Variants in ANKRD31 observed in about 807,000 individuals in gnomAD.
ANKRD31 encodes ankyrin repeat domain-containing protein 31.
ANKRD31 carries 147 observed loss-of-function variants against 186.0 expected under a neutral mutation model. The observed-to-expected ratio is 0.79, with a 90% confidence interval of 0.69 to 0.91. The LOEUF is 0.91. Ranked by LOEUF, ANKRD31 falls within the 40% of genes least tolerant of loss-of-function variation. The pLI, the probability that ANKRD31 is intolerant of heterozygous loss-of-function variation, is 0.00. For missense variants in ANKRD31, 1,986 were observed against 2,148.8 expected (o/e 0.92, Z 1.50); for synonymous variants, 673 against 736.4 (o/e 0.91, Z 1.39).
chr5:75,203,997 A>C (rs2150269460), intron 5 of ANKRD31, among the ~76,000 whole-genome samples: 1 of 152,314 alleles, frequency 6.6e-6, no homozygotes, highest in South Asian at 2.1e-4. Flanking sequence ...ATATTTAAAG[A>C]GGAACATTAA....
At chr5:75,110,819 G>A (rs990915917) in intron 20 of ANKRD31, among the ~76,000 whole-genome samples, 2 of 147,354 alleles carry the variant, frequency 1.4e-5, no homozygotes, top group African/African-American at 2.5e-5. Flanking sequence ...TACTAGCAGT[G>A]TACACAAAGA....
chr5:75,200,375 A>G (rs1755745415), intron 5 of ANKRD31, among the ~76,000 whole-genome samples: 1 of 150,234 alleles, frequency 6.7e-6, no homozygotes, highest in South Asian at 2.1e-4. Context: ...CTTGGCTCAC[A>G]GCAACCTCTG....
chr5:75,236,458 G>A lies in ANKRD31; in HGVS notation c.104+125C>T. 1.2e-5 allele frequency: 9 copies of A among 752,370 alleles called. 1 individual carries two copies. The South Asian group carries it at 1.5e-4, about 13-fold the overall frequency. The allele number at this position is 752,370 out of a possible 1,614,324, so 46.6% of individuals were successfully genotyped here. On this transcript the variant is annotated intron_variant, in intron 1 of 25. Coordinates refer to ENST00000506364, the MANE Select transcript of ANKRD31 (RefSeq NM_001372053.1). Reference sequence around the variant, plus strand: ...AGCTCAGGCACGGCTGCCCCACAAGGCTCTGATCCTGCCCACAAGCACATG... The same window carrying A: ...AGCTCAGGCACGGCTGCCCCACAAGACTCTGATCCTGCCCACAAGCACATG...
intron 17 of ANKRD31, 66 bp from the exon 18 acceptor site, chr5:75,118,363 C>A: frequency 8.0e-7 from 1 of 1,247,724 alleles, no homozygotes; most frequent in East Asian, 2.9e-5. Flanking sequence ...GTTTTCATCA[C>A]AAACACCACT....
intron 12 of ANKRD31, among the ~76,000 whole-genome samples, chr5:75,153,922 A>G (rs1049277132): frequency 1.1e-4 from 16 of 152,128 alleles, no homozygotes; most frequent in Non-Finnish European, 2.2e-4. Flanking sequence ...TTATTTAGTC[A>G]AAGGATTTTG....
chr5:75,108,200 TA>T (rs774410397), intron 20 of ANKRD31, among the ~76,000 whole-genome samples: 7 of 151,932 alleles, frequency 4.6e-5, no homozygotes, highest in East Asian at 1.9e-4. Flanking sequence ...TATATGCACT[TA>T]AAAAATAGAA....
intron 5 of ANKRD31, among the ~76,000 whole-genome samples, chr5:75,205,416 C>T (rs1049452941): frequency 6.6e-6 from 1 of 152,150 alleles, no homozygotes; most frequent in African/African-American, 2.4e-5. Flanking sequence ...TTGAAAGCAT[C>T]CTTGCTTTTC....
At chr5:75,138,220 T>G (rs1750748742) in intron 16 of ANKRD31, among the ~76,000 whole-genome samples, 1 of 152,164 alleles carries the variant, frequency 6.6e-6, no homozygotes, top group Non-Finnish European at 1.5e-5. Flanking sequence ...TTGATATAAG[T>G]GCCAAAGCAA....
intron 16 of ANKRD31, among the ~76,000 whole-genome samples, chr5:75,138,498 G>A (rs1323331567): frequency 6.6e-6 from 1 of 152,058 alleles, no homozygotes; most frequent in African/African-American, 2.4e-5. Context: ...TATAAAAGGA[G>A]GAGAAAAGAG....
At chr5:75,135,739 A>C (rs1302023380) in intron 17 of ANKRD31, among the ~76,000 whole-genome samples, 2 of 152,252 alleles carry the variant, frequency 1.3e-5, no homozygotes, top group African/African-American at 4.8e-5. Flanking sequence ...ACAAAGCTGC[A>C]GGCATCACGC....
intron 25 of ANKRD31, among the ~76,000 whole-genome samples, chr5:75,074,613 G>A (rs1744484829): frequency 6.6e-6 from 1 of 151,874 alleles, no homozygotes; most frequent in Admixed American, 6.6e-5. Context: ...CCCCATTTAA[G>A]TAAATGTAAG....
chr5:75,159,630 C>A (rs1195793671), intron 11 of ANKRD31, among the ~76,000 whole-genome samples: 2 of 145,992 alleles, frequency 1.4e-5, no homozygotes, highest in Admixed American at 6.9e-5. Flanking sequence ...TTATATCTAG[C>A]AAAACTATAA....
chr5:75,194,156 A>T (rs1436165857), intron 7 of ANKRD31, among the ~76,000 whole-genome samples: 1 of 152,140 alleles, frequency 6.6e-6, no homozygotes, highest in African/African-American at 2.4e-5. Context: ...ACCTTTCTTC[A>T]GCTTACTTAC....
chr5:75,222,644 C>G (rs1218335979), intron 2 of ANKRD31, among the ~76,000 whole-genome samples: 1 of 152,110 alleles, frequency 6.6e-6, no homozygotes, highest in Non-Finnish European at 1.5e-5. Context: ...TTGTTCCTCT[C>G]TCTGTGTCCA....
intron 17 of ANKRD31, among the ~76,000 whole-genome samples, chr5:75,134,388 A>G (rs10943790): frequency 1.4e-4 from 21 of 152,098 alleles, no homozygotes; most frequent in Non-Finnish European, 2.8e-4. Context: ...ATAAACACCT[A>G]TACGCAAATA....
chr5:75,147,772 G>A (rs938527780), intron 13 of ANKRD31, among the ~76,000 whole-genome samples: 1 of 151,670 alleles, frequency 6.6e-6, no homozygotes, highest in Non-Finnish European at 1.5e-5. Context: ...TGCCAGTATT[G>A]TAGCACTACT....
At chr5:75,122,724 T>C (rs975132834) in intron 17 of ANKRD31, among the ~76,000 whole-genome samples, 1 of 152,062 alleles carries the variant, frequency 6.6e-6, no homozygotes, top group Non-Finnish European at 1.5e-5. Flanking sequence ...TTTGATAAAA[T>C]TGAACATCCC....
intron 11 of ANKRD31, among the ~76,000 whole-genome samples, chr5:75,162,700 G>A (rs781125372): frequency 1.4e-4 from 21 of 152,080 alleles, no homozygotes; most frequent in Admixed American, 6.5e-5. Context: ...GCTGTGGGAG[G>A]GACCTGGTGG....
intron 20 of ANKRD31, among the ~76,000 whole-genome samples, chr5:75,110,937 C>G (rs1389065250): frequency 6.6e-6 from 1 of 150,790 alleles, no homozygotes; most frequent in African/African-American, 2.4e-5. Flanking sequence ...ATTTAAAATG[C>G]TTATATAATT....
Sources: gnomAD v4.1 joint callset for allele counts (sites outside exome capture counted in the v4.1 genomes callset) on GRCh38, gnomAD v4.1.1 for gene constraint, MANE v1.5 for transcripts, NCBI Gene and HGNC (gene_info 2026-07-23, HGNC 2026-07-21) for gene names.